INPP4B: variants seen among roughly 807,000 people sequenced by gnomAD.
The protein encoded by INPP4B is inositol polyphosphate 4-phosphatase type II.
In INPP4B, 55 loss-of-function variants were observed where a neutral mutation model predicts 122.5. The ratio of observed to expected loss-of-function variants is 0.45; its 90% CI spans 0.36 to 0.56. The LOEUF (loss-of-function observed/expected upper bound fraction) is 0.56, where lower values mean the gene tolerates loss of function less well. Among genes scored for constraint, INPP4B ranks in the 20% least tolerant of loss-of-function variants. The probability of loss-of-function intolerance (pLI) is 0.00; values close to 1 mark genes in which losing one functional copy is unlikely to be tolerated. For synonymous variants in INPP4B, 403 were observed against 388.7 expected (o/e 1.04, Z -0.43); for missense variants, 1,000 against 1,097.7 (o/e 0.91, Z 1.26).
At chr4:142,029,195 A>T (rs1352526374) in intron 25 of INPP4B, 2 of 1,084,480 alleles carry the variant, frequency 1.8e-6, no homozygotes. Flanking sequence ...ATACAGCTCC[A>T]CTTTAGTTTC....
chr4:142,116,801 T>A (rs1221228647), intron 21 of INPP4B, among the ~76,000 whole-genome samples: 1 of 151,644 alleles, frequency 6.6e-6, no homozygotes, highest in Non-Finnish European at 1.5e-5. Flanking sequence ...AGGCAAGAAA[T>A]AACTAAGATC....
intron 14 of INPP4B, among the ~76,000 whole-genome samples, chr4:142,201,798 C>T (rs904416401): frequency 3.9e-5 from 6 of 152,086 alleles, no homozygotes; most frequent in Non-Finnish European, 5.9e-5. Flanking sequence ...ACAATTTGGT[C>T]GGTAAAATCC....
chr4:142,425,719 C>A (rs558034505), intron 5 of INPP4B, among the ~76,000 whole-genome samples: 1 of 151,964 alleles, frequency 6.6e-6, no homozygotes, highest in African/African-American at 2.4e-5. Context: ...GCCTCTCCCC[C>A]AGATATGTTC....
chr4:142,518,388 C>T (rs1219319272), intron 2 of INPP4B, among the ~76,000 whole-genome samples: 1 of 152,116 alleles, frequency 6.6e-6, no homozygotes, highest in Non-Finnish European at 1.5e-5. Flanking sequence ...CTTCACCTAG[C>T]AGAAATCAGT....
At chr4:142,737,732 C>T (rs1444540837) in intron 1 of INPP4B, among the ~76,000 whole-genome samples, 2 of 152,098 alleles carry the variant, frequency 1.3e-5, no homozygotes, top group African/African-American at 4.8e-5. Flanking sequence ...GGGCTAATAT[C>T]CAGAATCTAC....
intron 14 of INPP4B, among the ~76,000 whole-genome samples, chr4:142,203,210 A>G (rs1327454041): frequency 2.0e-5 from 3 of 152,284 alleles, no homozygotes; most frequent in African/African-American, 2.4e-5. Flanking sequence ...TATATAGCTA[A>G]TATTTACAAA....
intron 2 of INPP4B, among the ~76,000 whole-genome samples, chr4:142,686,774 G>GA (rs898630976): frequency 2.0e-5 from 3 of 151,884 alleles, no homozygotes; most frequent in Non-Finnish European, 2.9e-5. Flanking sequence ...CTTATAATTT[G>GA]AAAAAACCAA....
chr4:142,043,679 T>A (rs148923242), intron 25 of INPP4B, among the ~76,000 whole-genome samples: 1 of 152,302 alleles, frequency 6.6e-6, no homozygotes, highest in East Asian at 1.9e-4. Flanking sequence ...CTGTTTCTTA[T>A]CTATTTTATA....
intron 9 of INPP4B, among the ~76,000 whole-genome samples, chr4:142,303,995 G>C (rs1433676403): frequency 6.6e-6 from 1 of 152,090 alleles, no homozygotes; most frequent in Non-Finnish European, 1.5e-5. Flanking sequence ...TGTTGCACTA[G>C]TGTGTAGTAT....
intron 7 of INPP4B, among the ~76,000 whole-genome samples, chr4:142,330,656 T>A (rs28526017): frequency 0.026 from 3,923 of 152,270 alleles, 176 homozygotes; most frequent in African/African-American, 0.09. Context: ...ATTCAAAAGA[T>A]TTTAAAATAC....
At chr4:142,562,344 A>G (rs1454751623) in intron 2 of INPP4B, among the ~76,000 whole-genome samples, 3 of 152,208 alleles carry the variant, frequency 2.0e-5, no homozygotes, top group Non-Finnish European at 2.9e-5. Context: ...CTTCTGTTCA[A>G]TTTCCAGTCA....
intron 25 of INPP4B, among the ~76,000 whole-genome samples, chr4:142,078,965 C>A (rs1772331069): frequency 6.6e-6 from 1 of 151,850 alleles, no homozygotes; most frequent in South Asian, 2.1e-4. Flanking sequence ...TTTTAAAAAT[C>A]CAGAGTTGTT....
chr4:142,141,871 T>G (rs1422262764), intron 18 of INPP4B, among the ~76,000 whole-genome samples: 1 of 151,152 alleles, frequency 6.6e-6, no homozygotes, highest in African/African-American at 2.4e-5. Context: ...AATAAAGGAG[T>G]GTGATGAAAA....
intron 2 of INPP4B, among the ~76,000 whole-genome samples, chr4:142,557,864 T>C (rs1729559057): frequency 2.6e-5 from 4 of 152,212 alleles, no homozygotes; most frequent in Admixed American, 2.6e-4. Context: ...GTTCTATCTA[T>C]GGGCTCATTC....
At chr4:142,029,680 A>T in intron 25 of INPP4B, 1 of 985,718 alleles carries the variant, frequency 1.0e-6, no homozygotes, top group South Asian at 4.7e-5. Context: ...GTTAAAAAAA[A>T]TTTCTATCAG....
chr4:142,288,711 T>A (rs1341765025), intron 9 of INPP4B, among the ~76,000 whole-genome samples: 1 of 152,202 alleles, frequency 6.6e-6, no homozygotes, highest in African/African-American at 2.4e-5. Context: ...TTCTATTTTT[T>A]TTCTTTTTCT....
At chr4:142,292,975 T>C (rs1757061349) in intron 9 of INPP4B, among the ~76,000 whole-genome samples, 1 of 152,026 alleles carries the variant, frequency 6.6e-6, no homozygotes, top group Non-Finnish European at 1.5e-5. Flanking sequence ...AACTGTCCTA[T>C]AATGCAATAA....
intron 14 of INPP4B, among the ~76,000 whole-genome samples, chr4:142,203,806 C>A (rs1434333619): frequency 6.6e-6 from 1 of 151,468 alleles, no homozygotes; most frequent in Non-Finnish European, 1.5e-5. Flanking sequence ...GCTTATTAAT[C>A]AAATGTGAAT....
chr4:142,243,062 T>C (rs1198705241), intron 11 of INPP4B, among the ~76,000 whole-genome samples: 1 of 152,076 alleles, frequency 6.6e-6, no homozygotes, highest in Non-Finnish European at 1.5e-5. Flanking sequence ...ATTGTGGAAA[T>C]TGAGAGGGGA....
Sources: gnomAD v4.1 joint callset for allele counts (sites outside exome capture counted in the v4.1 genomes callset) on GRCh38, gnomAD v4.1.1 for gene constraint, MANE v1.5 for transcripts, NCBI Gene and HGNC (gene_info 2026-07-23, HGNC 2026-07-21) for gene names.